CAPN9: variants seen among roughly 807,000 people sequenced by gnomAD.
CAPN9 encodes calpain-9.
Under a neutral mutation model 92.8 loss-of-function variants are expected in CAPN9, and 81 were observed. The ratio of observed to expected loss-of-function variants is 0.87; its 90% CI spans 0.73 to 1.05. The LOEUF is 1.05. Ranked by LOEUF, CAPN9 falls within the 50% of genes least tolerant of loss-of-function variation. CAPN9 has a pLI of 0.00. For synonymous variants in CAPN9, 304 were observed against 328.0 expected, an observed-to-expected ratio of 0.93 and a Z score of 0.79; for missense variants, 848 against 866.2, an observed-to-expected ratio of 0.98 and a Z score of 0.26.
chr1:230,752,737 T>TG, intron 1 of CAPN9: 1 of 981,108 alleles, frequency 1.0e-6, no homozygotes, highest in Non-Finnish European at 1.2e-6. Context: ...GCATTGGCAG[T>TG]GGGGGCATTG....
rs1003459826 is a variant in CAPN9 at position 230,777,435 on chromosome 1, A to G, written c.954-1538A>G. Among the ~76,000 whole-genome samples, 32 of 151,844 alleles carry G rather than the reference A, an allele frequency of 2.1e-4. 1 individual carries two copies. Among genetic ancestry groups the G allele is most frequent in the Non-Finnish European group, 2.9e-5 (2 of 67,962 alleles). On this transcript the variant is annotated intron_variant, in intron 8 of 19. Transcript: ENST00000271971. ...CCTGTGTAGCCTCTTTCCATTCTTC[A>G]CCAGCTCTAGGATGTACCTCCTGCA... is the stretch of plus-strand genomic sequence containing the variant.
chr1:230,795,214 A>G lies in CAPN9; in HGVS notation c.1922A>G (p.Asp641Gly), dbSNP rs1377497758. Residue 641 changes from aspartate to glycine, a missense_variant, in exon 18 of 20, where the codon GAT (aspartate) becomes GGT (glycine). Asp to Gly is a moderately conservative substitution (Grantham distance 94, BLOSUM62 -1). Transcript: ENST00000271971. ...LLQLIVLRYA[D>G]EELQLDFDDF... Reference sequence around the variant, plus strand: ...CAGCTGATTGTGCTCAGGTATGCGGATGAGGAGCTCCAGCTGGACTTCGAT... The same window carrying G: ...CAGCTGATTGTGCTCAGGTATGCGGGTGAGGAGCTCCAGCTGGACTTCGAT... 6.2e-7 allele frequency: 1 copy of G among 1,613,636 alleles called. No individual in the cohort carries two copies. The highest frequency in any genetic ancestry group is 8.5e-7 in the Non-Finnish European group (1 of 1,179,846).
chr1:230,759,310 T>C (rs1471705966), intron 2 of CAPN9, among the ~76,000 whole-genome samples: 1 of 152,124 alleles, frequency 6.6e-6, no homozygotes, highest in Non-Finnish European at 1.5e-5. Context: ...GCAACAGCTG[T>C]TTATGATAGA....
intron 7 of CAPN9, among the ~76,000 whole-genome samples, chr1:230,773,834 T>C (rs1467867024): frequency 6.6e-6 from 1 of 152,182 alleles, no homozygotes; most frequent in African/African-American, 2.4e-5. Flanking sequence ...AGCTGCCACG[T>C]TGGCTGTAGC....
intron 3 of CAPN9, among the ~76,000 whole-genome samples, chr1:230,760,660 G>A (rs946042151): frequency 2.0e-5 from 3 of 152,170 alleles, no homozygotes; most frequent in African/African-American, 4.8e-5. Context: ...GGGTCCCAGG[G>A]AAACTCTACC....
chr1:230,775,266 G>T (rs1572052332), intron 8 of CAPN9, among the ~76,000 whole-genome samples: 1 of 152,160 alleles, frequency 6.6e-6, no homozygotes, highest in East Asian at 1.9e-4. Context: ...TTTACACAGT[G>T]AATTTGAAGA....
At chr1:230,787,736 A>C (rs985683988) in intron 13 of CAPN9, 134 bp downstream of exon 13, 1 of 708,488 alleles carries the variant, frequency 1.4e-6, no homozygotes, top group African/African-American at 1.8e-5. Flanking sequence ...AAGTAAGACC[A>C]GCACTGATCA....
At chr1:230,768,052 AT>A (rs1666119890) in intron 5 of CAPN9, among the ~76,000 whole-genome samples, 1 of 82,778 alleles carries the variant, frequency 1.2e-5, no homozygotes, top group Admixed American at 1.3e-4. Flanking sequence ...AAATAAATAA[AT>A]AAAAAATAAA....
intron 8 of CAPN9, 57 bp downstream of exon 8, chr1:230,774,688 G>C (rs1666623389): frequency 3.5e-6 from 4 of 1,132,508 alleles, no homozygotes; most frequent in Non-Finnish European, 4.0e-6. Context: ...TGGCCCTGGG[G>C]CGTAAGGAGC....
chr1:230,774,465 C>A, intron 7 of CAPN9, 89 bp from the exon 8 acceptor site: 1 of 886,590 alleles, frequency 1.1e-6, no homozygotes, highest in Non-Finnish European at 1.9e-6. Context: ...CTTATTTCCT[C>A]CATAACCGCA....
chr1:230,789,913 T>C (rs1373295300), intron 13 of CAPN9, among the ~76,000 whole-genome samples: 2 of 152,174 alleles, frequency 1.3e-5, no homozygotes, highest in African/African-American at 2.4e-5. Context: ...TCTCTCAAGT[T>C]AGGCTCTCTC....
chr1:230,765,693 A>C (rs1272453235), intron 4 of CAPN9, among the ~76,000 whole-genome samples: 1 of 152,184 alleles, frequency 6.6e-6, no homozygotes, highest in Non-Finnish European at 1.5e-5. Flanking sequence ...AAAAACACAA[A>C]ATAAACCCAA....
chr1:230,760,657 A>G (rs962311967), intron 3 of CAPN9, among the ~76,000 whole-genome samples: 16 of 152,172 alleles, frequency 1.1e-4, no homozygotes, highest in Admixed American at 1.0e-3. Flanking sequence ...TTTGGGTCCC[A>G]GGGAAACTCT....
At chr1:230,749,405 G>A (rs552999257) in intron 1 of CAPN9, among the ~76,000 whole-genome samples, 128 of 152,328 alleles carry the variant, frequency 8.4e-4, no homozygotes, top group African/African-American at 2.8e-3. Context: ...CACCGCCCAC[G>A]ACCATTAGGT....
At chr1:230,801,340 G>A (rs1333304292) in intron 19 of CAPN9, among the ~76,000 whole-genome samples, 1 of 152,206 alleles carries the variant, frequency 6.6e-6, no homozygotes, top group Admixed American at 6.5e-5. Flanking sequence ...AACTGTGCTT[G>A]ATATGAGCTC....
In CAPN9 at chr1:230,778,911, G is replaced by A. The variant is rs1046768011; in HGVS notation, c.954-62G>A. The A allele has an allele frequency of 2.9e-6, 4 of 1,387,764 alleles. No homozygotes were observed. The African/African-American group carries it at 4.2e-5, about 15-fold the overall frequency. 86.0% of individuals were successfully genotyped at this position (1,387,764 alleles called of 1,614,324 possible). On this transcript the variant is annotated intron_variant, in intron 8 of 19. Coordinates refer to ENST00000271971, the MANE Select transcript of CAPN9 (RefSeq NM_006615.3). ...AATAAGTGAATGATTTAATGAATGA[G>A]TGAATGGATGATGCCCTCACTCTTG...
intron 17 of CAPN9, among the ~76,000 whole-genome samples, chr1:230,794,764 G>T (rs751543545): frequency 6.6e-6 from 1 of 152,188 alleles, no homozygotes; most frequent in Non-Finnish European, 1.5e-5. Flanking sequence ...CATAGAACGC[G>T]AGGGGAGGCT....
intron 2 of CAPN9, among the ~76,000 whole-genome samples, chr1:230,758,577 A>G (rs1890349): frequency 0.66 from 99,779 of 152,020 alleles, 32,992 homozygotes; most frequent in African/African-American, 0.71. Context: ...CCCGATGTTC[A>G]GCCCTGGCGA....
intron 6 of CAPN9, among the ~76,000 whole-genome samples, chr1:230,770,685 G>A (rs925671331): frequency 6.6e-6 from 1 of 152,158 alleles, no homozygotes; most frequent in African/African-American, 2.4e-5. Context: ...TTGAATGAAA[G>A]AGGAGGACAA....
Sources: gnomAD v4.1 joint callset for allele counts (sites outside exome capture counted in the v4.1 genomes callset) on GRCh38, gnomAD v4.1.1 for gene constraint, MANE v1.5 for transcripts, NCBI Gene and HGNC (gene_info 2026-07-23, HGNC 2026-07-21) for gene names.